DLG2: variants seen among roughly 807,000 people sequenced by gnomAD.
DLG2 encodes the protein discs large MAGUK scaffold protein 2.
In DLG2, 45 loss-of-function variants were observed where a neutral mutation model predicts 132.5. The observed-to-expected ratio is 0.34, with a 90% CI of 0.27 to 0.44. The LOEUF is 0.44. DLG2 is among the 20% of genes least tolerant of loss of function. The pLI is 1.00. For missense variants in DLG2, 1,045 were observed against 1,196.9 expected (o/e 0.87, Z 1.87); for synonymous variants, 424 against 419.6 (o/e 1.01, Z -0.13).
intron 6 of DLG2, among the ~76,000 whole-genome samples, chr11:84,841,556 T>A (rs2154008186): frequency 6.6e-6 from 1 of 152,118 alleles, no homozygotes; most frequent in East Asian, 1.9e-4. Context: ...TTTTAGTTAT[T>A]CCTTGTAGCT....
intron 6 of DLG2, among the ~76,000 whole-genome samples, chr11:84,724,074 G>C (rs1451261795): frequency 1.3e-5 from 2 of 152,010 alleles, no homozygotes; most frequent in Non-Finnish European, 2.9e-5. Context: ...TAAAAAAGGG[G>C]TTGTTCATGT....
At chr11:84,663,914 T>A (rs2099697366) in intron 6 of DLG2, among the ~76,000 whole-genome samples, 2 of 152,148 alleles carry the variant, frequency 1.3e-5, no homozygotes, top group Non-Finnish European at 2.9e-5. Context: ...AAATGTCTTG[T>A]CTCCAGATCT....
At chr11:84,077,823 A>T (rs1470148260) in intron 10 of DLG2, among the ~76,000 whole-genome samples, 1 of 152,104 alleles carries the variant, frequency 6.6e-6, no homozygotes, top group East Asian at 1.9e-4. Flanking sequence ...TTTCCATTCT[A>T]CTTTTACCAT....
At chr11:84,977,018 T>C (rs3844141) in intron 6 of DLG2, among the ~76,000 whole-genome samples, 15,256 of 152,172 alleles carry the variant, frequency 0.1, 924 homozygotes, top group Middle Eastern at 0.26. Context: ...ATATAGAATA[T>C]GCTATTGCTT....
intron 6 of DLG2, among the ~76,000 whole-genome samples, chr11:84,697,247 A>G (rs751537206): frequency 5.3e-5 from 8 of 151,584 alleles, no homozygotes; most frequent in African/African-American, 9.6e-5. Flanking sequence ...TTGTTTGACT[A>G]TAGCTAGATT....
At chr11:84,325,052 T>C (rs938804024) in intron 7 of DLG2, among the ~76,000 whole-genome samples, 12 of 152,142 alleles carry the variant, frequency 7.9e-5, no homozygotes, top group African/African-American at 2.9e-4. Flanking sequence ...TCCAGTACTA[T>C]GTTGAGTAGA....
At chr11:83,915,116 C>A (rs890058080) in intron 15 of DLG2, among the ~76,000 whole-genome samples, 2 of 152,094 alleles carry the variant, frequency 1.3e-5, no homozygotes, top group African/African-American at 4.8e-5. Flanking sequence ...AAGGAGCAGG[C>A]AACAGAGGCA....
At chr11:84,369,065 T>G (rs2098695668) in intron 7 of DLG2, among the ~76,000 whole-genome samples, 1 of 152,178 alleles carries the variant, frequency 6.6e-6, no homozygotes, top group Non-Finnish European at 1.5e-5. Context: ...GCCAAGAGTA[T>G]AATTTGAAAT....
intron 6 of DLG2, among the ~76,000 whole-genome samples, chr11:84,641,693 G>A (rs2099666310): frequency 6.6e-6 from 1 of 152,042 alleles, no homozygotes; most frequent in Non-Finnish European, 1.5e-5. Context: ...CTACTTTCAA[G>A]CTTGGATTAC....
chr11:85,292,659 AGGGAGGGAGGGAGGG>A (rs2078977351), intron 3 of DLG2, among the ~76,000 whole-genome samples: 3 of 40,470 alleles, frequency 7.4e-5, no homozygotes, highest in Non-Finnish European at 1.6e-4. Flanking sequence ...GAAGGAAGGG[AGGGAGGGAGGGAGGG>A]AGGGAGGGAG....
At chr11:85,117,701 C>T (rs535278268) in intron 5 of DLG2, among the ~76,000 whole-genome samples, 1 of 151,654 alleles carries the variant, frequency 6.6e-6, no homozygotes, top group African/African-American at 2.4e-5. Context: ...ATCCCCTTCC[C>T]CCAAAGCAGA....
intron 7 of DLG2, among the ~76,000 whole-genome samples, chr11:84,313,051 C>G: frequency 6.6e-6 from 1 of 152,106 alleles, no homozygotes; most frequent in Non-Finnish European, 1.5e-5. Flanking sequence ...ACCTCCTGAT[C>G]CACCCGCCTC....
intron 3 of DLG2, among the ~76,000 whole-genome samples, chr11:85,503,182 T>G (rs534037406): frequency 1.3e-5 from 2 of 152,256 alleles, no homozygotes; most frequent in African/African-American, 4.8e-5. Flanking sequence ...TGTATAGTAA[T>G]TACACTGTAC....
intron 6 of DLG2, among the ~76,000 whole-genome samples, chr11:84,546,181 G>C (rs2099389419): frequency 6.6e-6 from 1 of 152,150 alleles, no homozygotes; most frequent in South Asian, 2.1e-4. Context: ...GGAGGTGATT[G>C]GATCATAGGG....
intron 6 of DLG2, among the ~76,000 whole-genome samples, chr11:84,815,965 T>A (rs1425325440): frequency 6.6e-6 from 1 of 152,062 alleles, no homozygotes; most frequent in Non-Finnish European, 1.5e-5. Flanking sequence ...ATATTGGCTG[T>A]TACTCTTTCA....
chr11:84,493,818 A>G (rs2099172109), intron 7 of DLG2, among the ~76,000 whole-genome samples: 1 of 152,206 alleles, frequency 6.6e-6, no homozygotes, highest in African/African-American at 2.4e-5. Flanking sequence ...CAAAAAAAGG[A>G]TGTTAAAAAA....
At chr11:84,664,312 G>A (rs1469673267) in intron 6 of DLG2, among the ~76,000 whole-genome samples, 4 of 151,824 alleles carry the variant, frequency 2.6e-5, no homozygotes, top group Non-Finnish European at 5.9e-5. Flanking sequence ...AAAACAAAAA[G>A]CCTGAAATAA....
chr11:83,619,056 C>T (rs531983897), intron 19 of DLG2, among the ~76,000 whole-genome samples: 11 of 152,160 alleles, frequency 7.2e-5, no homozygotes, highest in East Asian at 1.9e-4. Flanking sequence ...AACTTAAACC[C>T]GTATCCATTC....
At chr11:83,697,846 C>G (rs78013026) in intron 18 of DLG2, among the ~76,000 whole-genome samples, 1 of 152,154 alleles carries the variant, frequency 6.6e-6, no homozygotes, top group Non-Finnish European at 1.5e-5. Context: ...TATTGAGATA[C>G]CAGCTGGTAA....
Sources: gnomAD v4.1 joint callset for allele counts (sites outside exome capture counted in the v4.1 genomes callset) on GRCh38, gnomAD v4.1.1 for gene constraint, MANE v1.5 for transcripts, NCBI Gene and HGNC (gene_info 2026-07-23, HGNC 2026-07-21) for gene names.